ZFTA: variants seen among roughly 807,000 people sequenced by gnomAD.
The protein encoded by ZFTA is zinc finger translocation associated, also known as zinc finger translocation-associated protein.
Under a neutral mutation model 41.8 loss-of-function variants are expected in ZFTA, and 35 were observed. That is an observed-to-expected ratio of 0.84 (90% CI 0.64 to 1.11). The LOEUF (loss-of-function observed/expected upper bound fraction) is 1.11, where lower values mean the gene tolerates loss of function less well. Ranked by LOEUF, ZFTA falls within the 50% of genes most tolerant of loss-of-function variation. ZFTA has a pLI of 0.00. For synonymous variants in ZFTA, 514 were observed against 436.4 expected, an observed-to-expected ratio of 1.18 and a Z score of -2.22; for missense variants, 964 against 989.8, an observed-to-expected ratio of 0.97 and a Z score of 0.35.
Position 63,763,413 on chromosome 11 carries a change from G to C in ZFTA, c.*5C>G. ...CCCGACCTGACCCGGGGGCCCGCTA[G>C]GCCGCTACGCCCGACACACAGCGCC... On this transcript the variant is annotated 3_prime_UTR_variant, in exon 5 of 5. Transcript: ENST00000433688. The C allele has an allele frequency of 3.8e-6, 5 of 1,300,338 alleles. No homozygotes were observed. The highest frequency in any genetic ancestry group is 4.9e-6 in the Non-Finnish European group (5 of 1,022,570). The allele number at this position is 1,300,338 out of a possible 1,614,324, so 80.6% of individuals were successfully genotyped here.
chr11:63,765,874 C>T lies in ZFTA; in HGVS notation c.570G>A (p.Glu190=). ...EGLGVQGAEE[E]EEEEEEEEEE... ...CCTCCTCCTCTTCTTCCTCCTCCTC[C>T]TCCTCCTCAGCCCCCTGGACCCCCA... is the stretch of plus-strand genomic sequence containing the variant. Residue 190 remains glutamate (E), a synonymous_variant, in exon 2 of 5, where the codon GAG becomes GAA. Coordinates refer to ENST00000433688, the MANE Select transcript of ZFTA (RefSeq NM_001144936.2). The surrounding 1 kb of genome is among the most constrained non-coding windows in gnomAD (Gnocchi z 4.0). 2 of 1,529,496 alleles carry T rather than the reference C, an allele frequency of 1.3e-6. No individual in the cohort carries two copies. Among genetic ancestry groups the T allele is most frequent in the Non-Finnish European group, 1.8e-6 (2 of 1,137,512 alleles). 94.7% of individuals were successfully genotyped at this position (1,529,496 alleles called of 1,614,324 possible).
Position 63,768,481 on chromosome 11 carries a change from T to C in ZFTA, c.139+3A>G. The C allele has an allele frequency of 8.4e-7, 1 of 1,183,524 alleles. No individual in the cohort carries two copies. The highest frequency in any genetic ancestry group is 1.8e-5 in the South Asian group (1 of 55,382). The allele number at this position is 1,183,524 out of a possible 1,614,324, so 73.3% of individuals were successfully genotyped here. On this transcript the variant is annotated splice_donor_region_variant and intron_variant, in intron 1 of 4. Coordinates refer to ENST00000433688, the MANE Select transcript of ZFTA (RefSeq NM_001144936.2). ...CGCCCGGGCCGCCGGCCCCAGCTCT[T>C]ACCGCCTTCGTCTTCCTCTGGCTCC...
chr11:63,766,258 A>G lies in ZFTA; in HGVS notation c.186T>C (p.Ser62=). 6.6e-7 allele frequency: 1 copy of G among 1,509,638 alleles called. No individual in the cohort carries two copies. Among genetic ancestry groups the G allele is most frequent in the Non-Finnish European group, 8.8e-7 (1 of 1,131,574 alleles). The allele number at this position is 1,509,638 out of a possible 1,614,324, so 93.5% of individuals were successfully genotyped here. The part of the protein sequence containing the change: ...LEGGALGSWG[S]APLPSSRARG... ...TGGCCCTGGAGGAGGGCAGGGGGGC[A>G]CTCCCCCAGGACCCCAAGGCACCCC... Residue 62 remains serine (S), a synonymous_variant, in exon 2 of 5, where the codon AGT becomes AGC. Transcript: ENST00000433688.
In ZFTA at chr11:63,764,355, C is replaced by T; in HGVS notation, c.1268G>A (p.Arg423Gln). 1 of 1,328,568 alleles carries T rather than the reference C, an allele frequency of 7.5e-7. No homozygotes were observed. Among genetic ancestry groups the T allele is most frequent in the Non-Finnish European group, 9.6e-7 (1 of 1,043,744 alleles). The allele number at this position is 1,328,568 out of a possible 1,614,324, so 82.3% of individuals were successfully genotyped here. The change falls in exon 4 of 5, where the codon CGG becomes CAG. Residue 423 changes from arginine (R) to glutamine (Q), a missense_variant. This residue lies in a region of ZFTA where 584 missense variants were observed against 523.1 expected (regional missense o/e 1.12). Transcript: ENST00000433688. ...AHRRHPQERWRLEYLMELDGG... is the reference protein window; with the variant it reads ...AHRRHPQERWQLEYLMELDGG... The stretch of plus-strand genomic sequence containing the variant: ...GTCCAACTCCATGAGGTACTCCAGC[C>T]GCCAGCGCTCCTGGGGGTGGCGGCG...
chr11:63,763,838 C>T lies in ZFTA; in HGVS notation c.1617G>A (p.Leu539=). 6.9e-7 allele frequency: 1 copy of T among 1,439,870 alleles called. No homozygotes were observed. The allele number at this position is 1,439,870 out of a possible 1,614,324, so 89.2% of individuals were successfully genotyped here. The change falls in exon 5 of 5, where the codon TTG becomes TTA. Residue 539 remains leucine, a synonymous_variant. Coordinates refer to ENST00000433688, the MANE Select transcript of ZFTA (RefSeq NM_001144936.2). ...CCTCCTCTTCTTCGGCGGGCCGCTC[C>T]AAGGGAGCTCCAGGGGACAGCGGAA... ...GDVPLSPGAP[L]ERPAEEEEDE...
Position 63,763,773 on chromosome 11 carries a change from G to A in ZFTA, c.1682C>T (p.Pro561Leu). 1 of 1,460,898 alleles carries A rather than the reference G, an allele frequency of 6.8e-7. No individual in the cohort carries two copies. Among genetic ancestry groups the A allele is most frequent in the South Asian group, 1.5e-5 (1 of 68,930 alleles). The allele number at this position is 1,460,898 out of a possible 1,614,324, so 90.5% of individuals were successfully genotyped here. ...CGGAGGCGGGGGAGGAGGCGGCGGC[G>A]GCAAGGCGAGTCCCCCAGGCTCCTG... ...DGQEPGGLAL[P>L]PPPPPPPPPP... Residue 561 changes from proline to leucine, a missense_variant, in exon 5 of 5, where the codon CCG becomes CTG. By Grantham distance (98) the Pro-to-Leu change is moderately conservative. This residue lies in a region of ZFTA where 584 missense variants were observed against 523.1 expected (regional missense o/e 1.12). Transcript: ENST00000433688.
Position 63,762,227 on chromosome 11 carries a change from TAATA to T in ZFTA, c.*1187_*1190del, listed in dbSNP as rs772565363. ...TCACAGCTTATCTCTGATACACGCATAATAAATAAGACATTTGCACATAAGGGTG... is the reference window on the plus strand; with the variant it reads ...TCACAGCTTATCTCTGATACACGCATAATAAGACATTTGCACATAAGGGTG... On this transcript the variant is annotated 3_prime_UTR_variant, in exon 5 of 5. Transcript: ENST00000433688. 2.6e-5 allele frequency: 4 copies of T among 152,264 alleles called. No individual in the cohort carries two copies. Among genetic ancestry groups the T allele is most frequent in the Admixed American group, 6.5e-5 (1 of 15,276 alleles). 9.4% of individuals were successfully genotyped at this position (152,264 alleles called of 1,614,324 possible).
chr11:63,760,153 AC>A lies in ZFTA; in HGVS notation c.*3264del, dbSNP rs1278425948. The A allele has an allele frequency of 1.3e-5, 2 of 152,156 alleles. No homozygotes were observed. Among genetic ancestry groups the A allele is most frequent in the Admixed American group, 6.6e-5 (1 of 15,260 alleles). 9.4% of individuals were successfully genotyped at this position (152,156 alleles called of 1,614,324 possible). ...ATGAGGAGGGGTCAGGGGGTCTTTTACCCCAGTTCAGCCTCACACCAGCCTG... is the reference window on the plus strand; with the variant it reads ...ATGAGGAGGGGTCAGGGGGTCTTTTACCCAGTTCAGCCTCACACCAGCCTG... On this transcript the variant is annotated 3_prime_UTR_variant, in exon 5 of 5. Transcript: ENST00000433688.
In ZFTA at chr11:63,760,968, G is replaced by C. The variant is rs78546143; in HGVS notation, c.*2450C>G. 2.6e-5 allele frequency: 4 copies of C among 152,082 alleles called. No homozygotes were observed. The highest frequency in any genetic ancestry group is 5.9e-5 in the Non-Finnish European group (4 of 68,010). The allele number at this position is 152,082 out of a possible 1,614,324, so 9.4% of individuals were successfully genotyped here. A position where few individuals can be genotyped will look rare whatever the true frequency, so the allele number is the denominator to read the frequency against. On this transcript the variant is annotated 3_prime_UTR_variant, in exon 5 of 5. Coordinates refer to ENST00000433688, the MANE Select transcript of ZFTA (RefSeq NM_001144936.2). The stretch of plus-strand genomic sequence containing the variant: ...GGCCTCTCTCTGCCTACGGAGGGGG[G>C]GGAATCTAACCCCTCTGCCCTGGCT...
chr11:63,766,434 C>CAGCAATAAAAGGGATGGT, intron 1 of ZFTA, 130 bp from the exon 2 acceptor site: 1 of 1,238,306 alleles, frequency 8.1e-7, no homozygotes, highest in South Asian at 2.0e-5. Flanking sequence ...GGGACGGCAA[C>CAGCAATAAAAGGGATGGT]AGCAATAAAA....
At position 63,766,247 on chromosome 11, in the gene ZFTA, G is replaced by T. The variant is rs2014743819; in HGVS notation, c.197C>A (p.Pro66His). Reference sequence around the variant, plus strand: ...TGCTGGTCCCCTGGCCCTGGAGGAGGGCAGGGGGGCACTCCCCCAGGACCC... The same window carrying T: ...TGCTGGTCCCCTGGCCCTGGAGGAGTGCAGGGGGGCACTCCCCCAGGACCC... ...ALGSWGSAPLPSSRARGPASS... is the reference protein window; with the variant it reads ...ALGSWGSAPLHSSRARGPASS... Residue 66 changes from proline (P) to histidine (H), a missense_variant, in exon 2 of 5, where the codon CCC becomes CAC. Physicochemically the swap from Pro to His is moderately conservative, Grantham distance 77. Coordinates refer to ENST00000433688, the MANE Select transcript of ZFTA (RefSeq NM_001144936.2). The T allele has an allele frequency of 1.3e-6, 2 of 1,523,504 alleles. No individual in the cohort carries two copies. Among genetic ancestry groups the T allele is most frequent in the Non-Finnish European group, 1.8e-6 (2 of 1,137,230 alleles). 94.4% of individuals were successfully genotyped at this position (1,523,504 alleles called of 1,614,324 possible).
In ZFTA at chr11:63,762,640, G is replaced by GC. The variant is rs2014663128; in HGVS notation, c.*777dup. On this transcript the variant is annotated 3_prime_UTR_variant, in exon 5 of 5. Transcript: ENST00000433688. ...AGCAGAGACCCTCGGGGCAAGAGGAGCAAAGGAAAAAAGTGCTAATCCCTT... is the reference window on the plus strand; with the variant it reads ...AGCAGAGACCCTCGGGGCAAGAGGAGCCAAAGGAAAAAAGTGCTAATCCCTT... The GC allele has an allele frequency of 6.6e-6, 1 of 152,280 alleles. No individual in the cohort carries two copies. The highest frequency in any genetic ancestry group is 1.5e-5 in the Non-Finnish European group (1 of 68,080). The allele number at this position is 152,280 out of a possible 1,614,324, so 9.4% of individuals were successfully genotyped here. A position where few individuals can be genotyped will look rare whatever the true frequency, so the allele number is the denominator to read the frequency against.
In ZFTA at chr11:63,761,743, T is replaced by G. The variant is rs1268058586; in HGVS notation, c.*1675A>C. 1 of 152,190 alleles carries G rather than the reference T, an allele frequency of 6.6e-6. No individual in the cohort carries two copies. The highest frequency in any genetic ancestry group is 1.9e-4 in the East Asian group (1 of 5,192). The allele number at this position is 152,190 out of a possible 1,614,324, so 9.4% of individuals were successfully genotyped here. On this transcript the variant is annotated 3_prime_UTR_variant, in exon 5 of 5. Coordinates refer to ENST00000433688, the MANE Select transcript of ZFTA (RefSeq NM_001144936.2). The stretch of plus-strand genomic sequence containing the variant: ...CTGACAATCCTCAATTATATAAAAA[T>G]GCTATAAAATCCGTGGTATAAAATC...
intron 4 of ZFTA, 48 bp from the exon 5 acceptor site, chr11:63,763,917 C>T: frequency 7.2e-7 from 1 of 1,396,850 alleles, no homozygotes; most frequent in Non-Finnish European, 9.3e-7. Flanking sequence ...GGGCAGCGGG[C>T]TGGGCCCCGC....
chr11:63,763,715 G>C lies in ZFTA; in HGVS notation c.1740C>G (p.Asn580Lys), dbSNP rs943945187. The part of the protein sequence containing the change: ...PPPRSREQRR[N>K]YQPRWRGEYL... The stretch of plus-strand genomic sequence containing the variant: ...ACTCGCCCCGCCACCGCGGCTGGTA[G>C]TTCCGCCGCTGCTCCCGGCTGCGGG... Residue 580 changes from asparagine to lysine, a missense_variant, in exon 5 of 5, where the codon AAC (asparagine) becomes AAG (lysine). By Grantham distance (94) the Asn-to-Lys change is moderately conservative (BLOSUM62 0). Transcript: ENST00000433688. 2.0e-6 allele frequency: 3 copies of C among 1,517,490 alleles called. No homozygotes were observed. In the African/African-American group the frequency reaches 4.3e-5, roughly 22 times the overall value. 94.0% of individuals were successfully genotyped at this position (1,517,490 alleles called of 1,614,324 possible).
Position 63,763,562 on chromosome 11 carries a change from G to A in ZFTA, c.1893C>T (p.Phe631=). 1 of 1,548,112 alleles carries A rather than the reference G, an allele frequency of 6.5e-7. No individual in the cohort carries two copies. ...GGATAGTCTGGCGCTCCTCAGGCGT[G>A]AAGTCCATGGAGAAGGGGTGCACCT... is the stretch of plus-strand genomic sequence containing the variant. ...ILQVHPFSMD[F]TPEERQTILE... Residue 631 remains phenylalanine (F), a synonymous_variant, in exon 5 of 5, where the codon TTC becomes TTT. Transcript: ENST00000433688.
Position 63,764,227 on chromosome 11 carries a change from TG to T in ZFTA, c.1395del (p.Thr466ArgfsTer125). The T allele has an allele frequency of 7.0e-7, 1 of 1,436,198 alleles. No individual in the cohort carries two copies. The highest frequency in any genetic ancestry group is 9.1e-7 in the Non-Finnish European group (1 of 1,104,710). 89.0% of individuals were successfully genotyped at this position (1,436,198 alleles called of 1,614,324 possible). Reference protein sequence around the residue: ...ERHIRRRHPGSTRLGGPVQAL... With the variant: ...ERHIRRRHPGXTRLGGPVQAL... ...GCCTGGACAGGCCCGCCGAGGCGCG[TG>T]GAGCCCGGGTGGCGCCGGCGGATGT... On this transcript the variant is annotated frameshift_variant, in exon 4 of 5. Coordinates refer to ENST00000433688, the MANE Select transcript of ZFTA (RefSeq NM_001144936.2). LOFTEE classifies it high-confidence loss of function.
chr11:63,768,055 T>G (rs887503108), intron 1 of ZFTA, among the ~76,000 whole-genome samples: 3 of 152,140 alleles, frequency 2.0e-5, no homozygotes, highest in Admixed American at 6.5e-5. Flanking sequence ...GGAGCTGAGC[T>G]CAGCTCCGCT....
chr11:63,766,986 T>C (rs1440832252), intron 1 of ZFTA, among the ~76,000 whole-genome samples: 1 of 152,222 alleles, frequency 6.6e-6, no homozygotes, highest in African/African-American at 2.4e-5. Context: ...TGTAAAGGGA[T>C]GGCAGGAGGG....
Sources: gnomAD v4.1 joint callset for allele counts (sites outside exome capture counted in the v4.1 genomes callset) on GRCh38, gnomAD v4.1.1 for gene constraint, gnomAD v4.1.1 regional missense constraint, Gnocchi (gnomAD v3.1) non-coding constraint, MANE v1.5 for transcripts, NCBI Gene and HGNC (gene_info 2026-07-23, HGNC 2026-07-21) for gene names.